TCF12: variants seen among roughly 807,000 people sequenced by gnomAD.
TCF12 encodes the protein DNA-binding protein HTF4.
A neutral mutation model predicts 86.0 loss-of-function variants in TCF12; 45 were observed. The ratio of observed to expected loss-of-function variants is 0.52; its 90% CI spans 0.41 to 0.67. TCF12 has a LOEUF of 0.67. TCF12 is among the 30% of genes least tolerant of loss of function. The probability of loss-of-function intolerance (pLI) is 0.00; values close to 1 mark genes in which losing one functional copy is unlikely to be tolerated. For missense variants in TCF12, 881 were observed against 859.9 expected (o/e 1.02, Z -0.31); for synonymous variants, 330 against 299.6 (o/e 1.10, Z -1.05).
intron 18 of TCF12, among the ~76,000 whole-genome samples, chr15:57,265,847 C>T (rs995497254): frequency 5.3e-5 from 8 of 152,166 alleles, no homozygotes; most frequent in Middle Eastern, 3.4e-3. Flanking sequence ...AAAGAGTTAA[C>T]GTGACTAATG....
rs1008163518 is a variant in TCF12, at chr15:56,984,575, G to A, written c.148+63477G>A. On this transcript the variant is annotated intron_variant, in intron 3 of 20. Transcript: ENST00000333725. ...AAATAATGGTAAAAAAAATTCAAAC[G>A]GTCATAGCACAGTATAGTTTAAACT... Among the ~76,000 whole-genome samples the A allele has an allele frequency of 2.0e-5, 3 of 152,104 alleles. No homozygotes were observed. The South Asian group carries it at 6.2e-4, about 32-fold the overall frequency.
chr15:57,267,312 A>C (rs1450060502), intron 18 of TCF12, among the ~76,000 whole-genome samples: 1 of 152,208 alleles, frequency 6.6e-6, no homozygotes, highest in Non-Finnish European at 1.5e-5. Flanking sequence ...CTTGGGAAAA[A>C]GGAAATCTTA....
chr15:57,090,426 T>A (rs2048919865), intron 4 of TCF12, among the ~76,000 whole-genome samples: 1 of 152,190 alleles, frequency 6.6e-6, no homozygotes, highest in East Asian at 1.9e-4. Flanking sequence ...TATCAGTAAT[T>A]CTGAAGTATG....
intron 6 of TCF12, among the ~76,000 whole-genome samples, chr15:57,180,705 G>A (rs947530095): frequency 2.0e-5 from 3 of 150,772 alleles, no homozygotes; most frequent in Non-Finnish European, 4.4e-5. Context: ...TTAAATTTTT[G>A]GAGATATGTG....
chr15:57,222,815 C>T (rs2058668856), intron 8 of TCF12, among the ~76,000 whole-genome samples: 1 of 108,640 alleles, frequency 9.2e-6, no homozygotes, highest in Admixed American at 1.1e-4. Flanking sequence ...TTCTGGAGTG[C>T]CTTACTCCAT....
At chr15:56,941,150 A>G (rs1415992844) in intron 3 of TCF12, among the ~76,000 whole-genome samples, 1 of 151,466 alleles carries the variant, frequency 6.6e-6, no homozygotes, top group Non-Finnish European at 1.5e-5. Flanking sequence ...GTATCACTTG[A>G]GCCCAGGAGT....
chr15:57,167,730 T>A (rs1371424499), intron 6 of TCF12, among the ~76,000 whole-genome samples: 6 of 152,080 alleles, frequency 3.9e-5, no homozygotes, highest in African/African-American at 1.4e-4. Context: ...TATCATAGAT[T>A]TGGGGGTAGT....
chr15:57,078,874 A>G (rs1474422000), intron 4 of TCF12, among the ~76,000 whole-genome samples: 1 of 152,212 alleles, frequency 6.6e-6, no homozygotes, highest in African/African-American at 2.4e-5. Context: ...TTGATCACAT[A>G]GATAACTCAG....
intron 18 of TCF12, among the ~76,000 whole-genome samples, chr15:57,264,254 G>A (rs185329869): frequency 2.0e-4 from 21 of 105,960 alleles, no homozygotes; most frequent in Admixed American, 1.8e-3. Context: ...AGGCTGGAAT[G>A]CAGTGGCATC....
chr15:57,004,923 C>T (rs768780674), intron 3 of TCF12, among the ~76,000 whole-genome samples: 16 of 152,178 alleles, frequency 1.1e-4, no homozygotes, highest in Non-Finnish European at 1.8e-4. Flanking sequence ...GAAATTCATT[C>T]TGATCTTTAG....
At chr15:57,004,969 G>C (rs139914440) in intron 3 of TCF12, among the ~76,000 whole-genome samples, 78 of 152,286 alleles carry the variant, frequency 5.1e-4, no homozygotes, top group African/African-American at 1.8e-3. Flanking sequence ...TTAGAGGACT[G>C]TTTTTTCTTC....
chr15:56,970,221 C>T (rs2062220362), intron 3 of TCF12, among the ~76,000 whole-genome samples: 1 of 152,170 alleles, frequency 6.6e-6, no homozygotes, highest in Admixed American at 6.5e-5. Context: ...GTGGCTCATG[C>T]CTGTAATCCC....
rs1463048812 is a variant in TCF12 at position 57,287,847 on chromosome 15, C to T, written c.*1702C>T. 1 of 152,656 alleles carries T rather than the reference C, an allele frequency of 6.6e-6. No individual in the cohort carries two copies. Among genetic ancestry groups the T allele is most frequent in the Non-Finnish European group, 1.5e-5 (1 of 68,048 alleles). 9.5% of individuals were successfully genotyped at this position (152,656 alleles called of 1,614,324 possible). A position where few individuals can be genotyped will look rare whatever the true frequency, so the allele number is the denominator to read the frequency against. On this transcript the variant is annotated 3_prime_UTR_variant, in exon 21 of 21. Coordinates refer to ENST00000333725, the MANE Select transcript of TCF12 (RefSeq NM_207037.2). ...ATATATTCTCCAGTTACATCGGACT[C>T]TATCTGTGGCCTTGTTCTTCATTTC...
chr15:57,227,284 T>C (rs2058934019), intron 8 of TCF12, among the ~76,000 whole-genome samples: 1 of 152,162 alleles, frequency 6.6e-6, no homozygotes, highest in African/African-American at 2.4e-5. Flanking sequence ...CACAAGAATG[T>C]TTCCAGTGTT....
chr15:56,951,036 AC>A (rs1436998498), intron 3 of TCF12, among the ~76,000 whole-genome samples: 1 of 151,784 alleles, frequency 6.6e-6, no homozygotes, highest in East Asian at 1.9e-4. Context: ...GATTACAGAT[AC>A]GAGCCACTGC....
intron 6 of TCF12, among the ~76,000 whole-genome samples, chr15:57,189,696 CAT>C (rs2056880146): frequency 6.6e-6 from 1 of 152,136 alleles, no homozygotes; most frequent in Admixed American, 6.6e-5. Context: ...AAAAGTTAAA[CAT>C]AGAATTACAC....
At chr15:57,049,834 G>A (rs889888606) in intron 3 of TCF12, among the ~76,000 whole-genome samples, 1 of 152,054 alleles carries the variant, frequency 6.6e-6, no homozygotes, top group East Asian at 1.9e-4. Context: ...TCTAATTCTT[G>A]TTCTAATTGA....
At chr15:57,146,852 A>G (rs2053398508) in intron 5 of TCF12, among the ~76,000 whole-genome samples, 1 of 152,084 alleles carries the variant, frequency 6.6e-6, no homozygotes, top group African/African-American at 2.4e-5. Context: ...GGTGTAACAC[A>G]CTGTTAGTGT....
At chr15:57,051,571 G>T (rs1450862128) in intron 3 of TCF12, among the ~76,000 whole-genome samples, 5 of 151,766 alleles carry the variant, frequency 3.3e-5, no homozygotes, top group African/African-American at 1.2e-4. Flanking sequence ...TGATCCTCCT[G>T]CCTCTGCTTC....
Sources: gnomAD v4.1 joint callset for allele counts (sites outside exome capture counted in the v4.1 genomes callset) on GRCh38, gnomAD v4.1.1 for gene constraint, MANE v1.5 for transcripts, NCBI Gene and HGNC (gene_info 2026-07-23, HGNC 2026-07-21) for gene names.